FAM227B: variants seen among roughly 807,000 people sequenced by gnomAD.
The protein encoded by FAM227B is protein FAM227B.
Under a neutral mutation model 73.8 loss-of-function variants are expected in FAM227B, and 88 were observed. The observed-to-expected ratio is 1.19, with a 90% CI of 1.00 to 1.42. The LOEUF (loss-of-function observed/expected upper bound fraction) is 1.42. Ranked by LOEUF, FAM227B falls within the 40% of genes most tolerant of loss-of-function variation. The probability of loss-of-function intolerance (pLI) is 0.00; values close to 1 mark genes in which losing one functional copy is unlikely to be tolerated. For missense variants in FAM227B, 632 were observed against 590.9 expected, an observed-to-expected ratio of 1.07 and a Z score of -0.72; for synonymous variants, 210 against 190.5, an observed-to-expected ratio of 1.10 and a Z score of -0.84.
chr15:49,327,972 C>A lies in FAM227B; in HGVS notation c.*596G>T. ...TTTAGGAAGTTTGGGGCTCAAGGGT[C>A]ACGACTTACTGGAGCAGGATGGGGA... On this transcript the variant is annotated 3_prime_UTR_variant, in exon 16 of 16. Transcript: ENST00000299338. 1.9e-6 allele frequency: 3 copies of A among 1,613,262 alleles called. No individual in the cohort carries two copies. Among genetic ancestry groups the A allele is most frequent in the South Asian group, 1.1e-5 (1 of 90,992 alleles).
At chr15:49,443,907 CT>C (rs923670863) in intron 11 of FAM227B, among the ~76,000 whole-genome samples, 4 of 138,038 alleles carry the variant, frequency 2.9e-5, no homozygotes, top group African/African-American at 7.7e-5. Context: ...TATATGTACA[CT>C]TTTTTTCCCT....
intron 1 of FAM227B, among the ~76,000 whole-genome samples, chr15:49,616,015 ATTTCTTCC>A (rs1175554564): frequency 6.6e-6 from 1 of 152,052 alleles, no homozygotes; most frequent in African/African-American, 2.4e-5. Flanking sequence ...GATCAGTACT[ATTTCTTCC>A]TTTCTTCCTT....
chr15:49,561,342 C>G (rs970954585), intron 9 of FAM227B, among the ~76,000 whole-genome samples: 6 of 152,152 alleles, frequency 3.9e-5, no homozygotes, highest in African/African-American at 1.4e-4. Flanking sequence ...ATATACACAT[C>G]CAATATTGAA....
chr15:49,342,285 C>G (rs2040852524), intron 13 of FAM227B, among the ~76,000 whole-genome samples: 1 of 151,834 alleles, frequency 6.6e-6, no homozygotes. Flanking sequence ...TATGTAATAC[C>G]CTTTGTCTTT....
In FAM227B at chr15:49,565,742, C is replaced by T. The variant is rs948982379; in HGVS notation, c.747+2503G>A. Among the ~76,000 whole-genome samples the T allele has an allele frequency of 3.9e-5, 6 of 151,998 alleles. No individual in the cohort carries two copies. In the East Asian group the frequency reaches 7.7e-4, roughly 20 times the overall value. On this transcript the variant is annotated intron_variant, in intron 9 of 15. Coordinates refer to ENST00000299338, the MANE Select transcript of FAM227B (RefSeq NM_152647.3). ...TGCAAATGTGATAGTTAAAGATCTTCGGTGGGGGTTAAGATTAAAGATCTT... is the reference window on the plus strand; with the variant it reads ...TGCAAATGTGATAGTTAAAGATCTTTGGTGGGGGTTAAGATTAAAGATCTT...
At chr15:49,424,481 G>A in intron 11 of FAM227B, 2 of 1,613,586 alleles carry the variant, frequency 1.2e-6, no homozygotes, top group Non-Finnish European at 8.5e-7. Flanking sequence ...CATGGAAGGA[G>A]GGGATATAAG....
intron 11 of FAM227B, among the ~76,000 whole-genome samples, chr15:49,433,362 AAGC>A (rs2050787823): frequency 1.3e-5 from 2 of 151,596 alleles, no homozygotes. Context: ...CCAGTGGTAG[AAGC>A]AGCAGCACTT....
chr15:49,554,553 C>T (rs932032668), intron 9 of FAM227B, among the ~76,000 whole-genome samples: 1 of 152,064 alleles, frequency 6.6e-6, no homozygotes, highest in African/African-American at 2.4e-5. Flanking sequence ...GAGTTTGGTT[C>T]GGTTTTCTTT....
chr15:49,427,278 T>G (rs1263837512), intron 11 of FAM227B, among the ~76,000 whole-genome samples: 1 of 152,038 alleles, frequency 6.6e-6, no homozygotes, highest in East Asian at 1.9e-4. Flanking sequence ...ATTTGAAGAT[T>G]GTTTACATTC....
At chr15:49,591,707 G>C (rs1253412359) in intron 3 of FAM227B, among the ~76,000 whole-genome samples, 2 of 151,742 alleles carry the variant, frequency 1.3e-5, no homozygotes, top group African/African-American at 4.8e-5. Flanking sequence ...GGCTGGTCTT[G>C]AACTCCTGAC....
chr15:49,619,975 A>G (rs1469675016), intron 1 of FAM227B, among the ~76,000 whole-genome samples: 2 of 152,212 alleles, frequency 1.3e-5, no homozygotes, highest in Non-Finnish European at 2.9e-5. Flanking sequence ...ATTTACTTAC[A>G]TGCGCTGATA....
At chr15:49,548,686 T>G (rs887906550) in intron 9 of FAM227B, among the ~76,000 whole-genome samples, 1 of 152,204 alleles carries the variant, frequency 6.6e-6, no homozygotes, top group Non-Finnish European at 1.5e-5. Flanking sequence ...CTTTTTATTA[T>G]GGCTTTGATC....
intron 13 of FAM227B, chr15:49,364,999 TA>T: frequency 2.3e-6 from 1 of 440,650 alleles, no homozygotes; most frequent in East Asian, 4.3e-5. Context: ...TACCAGCTCA[TA>T]AAAATATATA....
Position 49,365,497 on chromosome 15 carries a change from G to A in FAM227B, c.1271+1951C>T, listed in dbSNP as rs1302892119. 37 of 860,570 alleles carry A rather than the reference G, an allele frequency of 4.3e-5. No individual in the cohort carries two copies. In the Admixed American group the frequency reaches 4.9e-4, roughly 11 times the overall value. 53.3% of individuals were successfully genotyped at this position (860,570 alleles called of 1,614,324 possible). A position where few individuals can be genotyped will look rare whatever the true frequency, so the allele number is the denominator to read the frequency against. ...AGGCATGATGCACACACTCATTACT[G>A]AGAAACAGATCAGCTTTGGTACTCT... On this transcript the variant is annotated intron_variant, in intron 13 of 15. Transcript: ENST00000299338.
At chr15:49,366,894 T>G (rs927474501) in intron 13 of FAM227B, among the ~76,000 whole-genome samples, 1 of 152,198 alleles carries the variant, frequency 6.6e-6, no homozygotes, top group African/African-American at 2.4e-5. Flanking sequence ...TAATGAGGAC[T>G]GGGCCAAGAA....
chr15:49,591,029 G>GTTTTTTTTTTTTT (rs71424023), intron 3 of FAM227B, among the ~76,000 whole-genome samples: 2 of 105,606 alleles, frequency 1.9e-5, no homozygotes, highest in Admixed American at 9.7e-5. Context: ...TCTTTTTTTT[G>GTTTTTTTTTTTTT]TTTTTTTTTT....
At chr15:49,523,253 A>G (rs1489669265) in intron 10 of FAM227B, among the ~76,000 whole-genome samples, 1 of 152,124 alleles carries the variant, frequency 6.6e-6, no homozygotes, top group Non-Finnish European at 1.5e-5. Context: ...CTCATCTTCA[A>G]TGCCCACATG....
intron 10 of FAM227B, among the ~76,000 whole-genome samples, chr15:49,533,169 T>C (rs1315803056): frequency 6.6e-6 from 1 of 151,868 alleles, no homozygotes; most frequent in Non-Finnish European, 1.5e-5. Context: ...GTTCAGTTTC[T>C]ATATATTTAT....
At chr15:49,500,249 C>T (rs753754425) in intron 11 of FAM227B, among the ~76,000 whole-genome samples, 1 of 152,110 alleles carries the variant, frequency 6.6e-6, no homozygotes, top group Non-Finnish European at 1.5e-5. Flanking sequence ...TATATAAAGA[C>T]CTCTTATAAC....
Sources: gnomAD v4.1 joint callset for allele counts (sites outside exome capture counted in the v4.1 genomes callset) on GRCh38, gnomAD v4.1.1 for gene constraint, MANE v1.5 for transcripts, NCBI Gene and HGNC (gene_info 2026-07-23, HGNC 2026-07-21) for gene names.